Variants in CSMD2 observed in about 807,000 individuals in gnomAD.
The protein encoded by CSMD2 is CUB and Sushi multiple domains 2, also known as CUB and sushi domain-containing protein 2.
A neutral mutation model predicts 398.5 loss-of-function variants in CSMD2; 130 were observed. The observed-to-expected ratio is 0.33, with a 90% confidence interval of 0.28 to 0.38. CSMD2 has a LOEUF of 0.38. Ranked by LOEUF, CSMD2 falls within the 10% of genes least tolerant of loss-of-function variation. CSMD2 has a pLI of 1.00. For synonymous variants in CSMD2, 1,828 were observed against 1,908.5 expected, an observed-to-expected ratio of 0.96 and a Z score of 1.10; for missense variants, 3,829 against 4,764.9, an observed-to-expected ratio of 0.80 and a Z score of 5.78.
intron 3 of CSMD2, among the ~76,000 whole-genome samples, chr1:33,984,851 G>A (rs1188825250): frequency 7.1e-6 from 1 of 140,416 alleles, no homozygotes; most frequent in Non-Finnish European, 1.5e-5. Context: ...AGGAAGGAAG[G>A]AAGGAAGGAA....
chr1:33,883,927 C>G (rs758795360), intron 5 of CSMD2, among the ~76,000 whole-genome samples: 1 of 152,130 alleles, frequency 6.6e-6, no homozygotes, highest in African/African-American at 2.4e-5. Flanking sequence ...GGAGGATGAG[C>G]TGGGCAGGGC....
chr1:34,085,677 T>C (rs1465133213), intron 2 of CSMD2, among the ~76,000 whole-genome samples: 1 of 152,190 alleles, frequency 6.6e-6, no homozygotes, highest in Non-Finnish European at 1.5e-5. Context: ...TATGAACCCC[T>C]TTCTTTGTTT....
chr1:33,810,597 A>C (rs1302670411), intron 10 of CSMD2, 146 bp downstream of exon 10: 1 of 706,644 alleles, frequency 1.4e-6, no homozygotes, highest in Admixed American at 3.6e-5. Context: ...CTTTTTATCC[A>C]CTCGATATTA....
chr1:34,088,274 T>C (rs563518765), intron 2 of CSMD2, among the ~76,000 whole-genome samples: 85 of 152,340 alleles, frequency 5.6e-4, no homozygotes, highest in Non-Finnish European at 9.6e-4. Context: ...TGACCTGACC[T>C]GGACAAGGCT....
intron 9 of CSMD2, among the ~76,000 whole-genome samples, chr1:33,818,552 G>T (rs1413465687): frequency 2.6e-5 from 4 of 152,194 alleles, no homozygotes; most frequent in African/African-American, 7.2e-5. Flanking sequence ...TGGGTGATTT[G>T]CCCAATTGCT....
chr1:33,547,444 C>G (rs969873552), intron 56 of CSMD2, among the ~76,000 whole-genome samples: 1 of 152,154 alleles, frequency 6.6e-6, no homozygotes, highest in Non-Finnish European at 1.5e-5. Flanking sequence ...CTCATGTAAC[C>G]ATGTGTGGGC....
At chr1:34,078,877 T>G (rs1656729733) in intron 2 of CSMD2, among the ~76,000 whole-genome samples, 1 of 152,208 alleles carries the variant, frequency 6.6e-6, no homozygotes, top group Admixed American at 6.5e-5. Flanking sequence ...TGCGGAGTCA[T>G]CCTCCATTCC....
At chr1:34,034,115 G>A (rs1326824558) in intron 2 of CSMD2, among the ~76,000 whole-genome samples, 1 of 152,010 alleles carries the variant, frequency 6.6e-6, no homozygotes, top group African/African-American at 2.4e-5. Flanking sequence ...CATATTATAA[G>A]GAAACAAACT....
intron 6 of CSMD2, 36 bp downstream of exon 6, chr1:33,846,848 C>T: frequency 7.1e-7 from 1 of 1,404,656 alleles, no homozygotes; most frequent in East Asian, 2.5e-5. Context: ...CTCTGCTGCC[C>T]ACTGAGGAAG....
At chr1:33,705,213 AT>A (rs1482059785) in intron 22 of CSMD2, among the ~76,000 whole-genome samples, 1 of 152,218 alleles carries the variant, frequency 6.6e-6, no homozygotes, top group Non-Finnish European at 1.5e-5. Context: ...TCAAACTAAC[AT>A]AACCATCACC....
At chr1:33,612,499 T>C (rs913822140) in intron 40 of CSMD2, among the ~76,000 whole-genome samples, 16 of 152,234 alleles carry the variant, frequency 1.1e-4, no homozygotes, top group Non-Finnish European at 1.8e-4. Flanking sequence ...GATATTATAC[T>C]GTACATACAG....
At chr1:33,606,865 C>G (rs1640647851) in intron 41 of CSMD2, among the ~76,000 whole-genome samples, 1 of 152,170 alleles carries the variant, frequency 6.6e-6, no homozygotes, top group Non-Finnish European at 1.5e-5. Context: ...TGAGAGAAAC[C>G]TCAGAGCCTG....
rs78914237 is a variant in CSMD2, at chr1:33,685,700, T to C, written c.4052+7230A>G. Reference sequence around the variant, plus strand: ...GTTCATACCTTTGCTCTCTTACCCCTAGCTGGAAAGATTGCCTCTACAGTC... The same window carrying C: ...GTTCATACCTTTGCTCTCTTACCCCCAGCTGGAAAGATTGCCTCTACAGTC... On this transcript the variant is annotated intron_variant, in intron 25 of 70. Transcript: ENST00000373381. Among the ~76,000 whole-genome samples the C allele has an allele frequency of 3.4e-3, 524 of 152,298 alleles. 3 individuals are homozygous for C. Among genetic ancestry groups the C allele is most frequent in the African/African-American group, 0.012 (486 of 41,558 alleles).
intron 57 of CSMD2, among the ~76,000 whole-genome samples, chr1:33,544,854 T>TATATATATAC (rs1553134872): frequency 1.1e-5 from 1 of 93,328 alleles, no homozygotes; most frequent in Non-Finnish European, 2.6e-5. Context: ...TATATATATA[T>TATATATATAC]ACACATATAA....
intron 2 of CSMD2, among the ~76,000 whole-genome samples, chr1:34,036,629 T>C (rs1327223602): frequency 1.3e-5 from 2 of 152,156 alleles, no homozygotes; most frequent in African/African-American, 2.4e-5. Flanking sequence ...CTGCATGTGA[T>C]AAAATGACAC....
chr1:33,668,437 T>C (rs1571154709), intron 25 of CSMD2, among the ~76,000 whole-genome samples: 3 of 152,172 alleles, frequency 2.0e-5, no homozygotes, highest in Admixed American at 6.5e-5. Context: ...TTATAAACCT[T>C]TGATGATGGC....
intron 1 of CSMD2, among the ~76,000 whole-genome samples, chr1:34,151,164 C>A (rs1018032356): frequency 6.6e-6 from 1 of 152,202 alleles, no homozygotes; most frequent in African/African-American, 2.4e-5. Context: ...CCCCTCTCCC[C>A]CTCTGCTGTG....
chr1:33,916,185 A>G (rs1040663614), intron 5 of CSMD2, among the ~76,000 whole-genome samples: 3 of 152,204 alleles, frequency 2.0e-5, no homozygotes, highest in Non-Finnish European at 4.4e-5. Context: ...AGCTAAAAAT[A>G]TATAACTACA....
At chr1:34,149,698 C>T (rs984196031) in intron 1 of CSMD2, among the ~76,000 whole-genome samples, 1 of 152,216 alleles carries the variant, frequency 6.6e-6, no homozygotes, top group Non-Finnish European at 1.5e-5. Context: ...GGTGCCTTCC[C>T]AGGCTCTTCC....
Sources: allele counts gnomAD v4.1 joint callset (sites outside exome capture counted in the v4.1 genomes callset), GRCh38; gene constraint gnomAD v4.1.1; transcripts MANE v1.5; gene names NCBI Gene and HGNC (gene_info 2026-07-23, HGNC 2026-07-21).